The following CDKN2B-AS1 variants were observed in gnomAD, a reference collection of about 807,000 sequenced individuals.
CDKN2B-AS1 encodes the protein CDKN2B antisense RNA 1 (non-protein coding).
At chr9:22,046,480 AGTT>A (rs1414560071) in intron 1 of CDKN2B-AS1, 1 of 152,124 alleles carries the variant, frequency 6.6e-6, no homozygotes, top group Non-Finnish European at 1.5e-5. Flanking sequence ...GTGTATAGAT[AGTT>A]GTTTGAAGAG....
At chr9:22,120,124 A>G (rs1563993591) in intron 4 of CDKN2B-AS1, 1 of 152,256 alleles carries the variant, frequency 6.6e-6, no homozygotes, top group Admixed American at 6.5e-5. Context: ...TGTATACACT[A>G]TAATGATCTA....
rs1822817387 is a variant in CDKN2B-AS1 at position 22,039,486 on chromosome 9, G to C, written n.30-7265G>C. ...CTGTTTACTCTGTGTTTTAACATCT[G>C]TGTGGATAGCATTGTTGTTGTAATA... On this transcript the variant is annotated intron_variant and non_coding_transcript_variant, in intron 1 of 4. Coordinates refer to ENST00000650946, the Ensembl canonical transcript of CDKN2B-AS1. The surrounding 1 kb of genome is among the most constrained non-coding windows in gnomAD (Gnocchi z 4.4). Among the ~76,000 whole-genome samples, 1 of 151,966 alleles carries C rather than the reference G, an allele frequency of 6.6e-6. No individual in the cohort carries two copies. The highest frequency in any genetic ancestry group is 6.6e-5 in the Admixed American group (1 of 15,226).
At chr9:22,045,027 ATAT>A (rs202222310) in intron 1 of CDKN2B-AS1, among the ~76,000 whole-genome samples, 82 of 132,412 alleles carry the variant, frequency 6.2e-4, no homozygotes, top group African/African-American at 2.3e-3. Context: ...TTTTGGAAAA[ATAT>A]TATTTATTTG....
intron 1 of CDKN2B-AS1, among the ~76,000 whole-genome samples, chr9:22,011,387 G>A (rs998430358): frequency 1.3e-5 from 2 of 152,172 alleles, no homozygotes; most frequent in Non-Finnish European, 2.9e-5. Flanking sequence ...TGTACGAAGT[G>A]CTTTACAGCT....
intron 4 of CDKN2B-AS1, among the ~76,000 whole-genome samples, chr9:22,122,120 T>C (rs1826116166): frequency 6.6e-6 from 1 of 151,936 alleles, no homozygotes; most frequent in Non-Finnish European, 1.5e-5. Context: ...TGATACCTCA[T>C]TGCAGCTTCA....
intron 4 of CDKN2B-AS1, among the ~76,000 whole-genome samples, chr9:22,122,868 T>A (rs1157781117): frequency 6.6e-6 from 1 of 152,188 alleles, no homozygotes; most frequent in Non-Finnish European, 1.5e-5. Context: ...AGGATTGCTT[T>A]GGCTGTTTGG....
chr9:22,056,705 T>A (rs1823591698), intron 4 of CDKN2B-AS1, among the ~76,000 whole-genome samples: 1 of 152,142 alleles, frequency 6.6e-6, no homozygotes, highest in Non-Finnish European at 1.5e-5. Context: ...TTTCTTAACC[T>A]CTCTTCTCTT....
chr9:22,120,917 T>G (rs1414797159), intron 4 of CDKN2B-AS1: 3 of 152,090 alleles, frequency 2.0e-5, no homozygotes, highest in Admixed American at 2.0e-4. Flanking sequence ...CATAACAACC[T>G]TATAAGGTGG....
chr9:22,054,861 C>T (rs984939934), intron 3 of CDKN2B-AS1, among the ~76,000 whole-genome samples: 31 of 151,782 alleles, frequency 2.0e-4, no homozygotes, highest in Admixed American at 1.2e-3. Flanking sequence ...AAGCAATTCT[C>T]CTGCCTCTGC....
chr9:22,070,103 T>C (rs1199245849), intron 4 of CDKN2B-AS1, among the ~76,000 whole-genome samples: 1 of 152,196 alleles, frequency 6.6e-6, no homozygotes, highest in Non-Finnish European at 1.5e-5. Flanking sequence ...TCAGCTCAAC[T>C]TTATGAAAAT....
At chr9:22,082,652 A>G (rs1824737856) in intron 4 of CDKN2B-AS1, among the ~76,000 whole-genome samples, 1 of 152,208 alleles carries the variant, frequency 6.6e-6, no homozygotes. Flanking sequence ...TCAGAACTTT[A>G]TTTTTAAGGA....
intron 4 of CDKN2B-AS1, among the ~76,000 whole-genome samples, chr9:22,070,314 C>T (rs551381636): frequency 7.9e-5 from 12 of 152,054 alleles, no homozygotes; most frequent in Non-Finnish European, 1.8e-4. Flanking sequence ...TGTATTTGGT[C>T]CTGGGAAAAC....
chr9:22,029,228 A>G (rs886158789), intron 1 of CDKN2B-AS1, among the ~76,000 whole-genome samples: 2 of 152,196 alleles, frequency 1.3e-5, no homozygotes, highest in African/African-American at 4.8e-5. Flanking sequence ...TAGTCTCAGG[A>G]TATCACTCCG....
At chr9:22,042,459 T>C (rs1474686004) in intron 1 of CDKN2B-AS1, among the ~76,000 whole-genome samples, 1 of 152,084 alleles carries the variant, frequency 6.6e-6, no homozygotes, top group African/African-American at 2.4e-5. Context: ...TAAAAGAGGA[T>C]GGCATAGAAA....
intron 4 of CDKN2B-AS1, among the ~76,000 whole-genome samples, chr9:22,110,298 A>T (rs1264305517): frequency 2.6e-5 from 4 of 152,160 alleles, no homozygotes; most frequent in African/African-American, 9.6e-5. Context: ...AACCAGGTAG[A>T]ATTCTTAGCT....
chr9:22,085,320 C>T (rs961911374), intron 4 of CDKN2B-AS1, among the ~76,000 whole-genome samples: 2 of 152,174 alleles, frequency 1.3e-5, no homozygotes, highest in African/African-American at 4.8e-5. Flanking sequence ...CTTATCCCAA[C>T]CCCACCCTGC....
chr9:22,071,285 CTTTT>C (rs71336509), intron 4 of CDKN2B-AS1, among the ~76,000 whole-genome samples: 788 of 67,260 alleles, frequency 0.012, 3 homozygotes, highest in African/African-American at 0.052. Flanking sequence ...AAATATCTAG[CTTTT>C]TTTTTTTTTT....
At chr9:22,105,156 T>G (rs894821330) in intron 4 of CDKN2B-AS1, among the ~76,000 whole-genome samples, 2 of 152,192 alleles carry the variant, frequency 1.3e-5, no homozygotes, top group Non-Finnish European at 2.9e-5. Flanking sequence ...AATGAGGGTA[T>G]GTGTATACTG....
chr9:22,012,137 C>T (rs1821535212), intron 1 of CDKN2B-AS1: 18 of 1,127,796 alleles, frequency 1.6e-5, no homozygotes, highest in East Asian at 2.4e-5. Context: ...GCGAGGCAGC[C>T]GAGCTGCAGA....
Sources: allele counts gnomAD v4.1 joint callset (sites outside exome capture counted in the v4.1 genomes callset), GRCh38; gene constraint gnomAD v4.1.1; non-coding constraint Gnocchi (gnomAD v3.1); transcripts MANE v1.5; gene names NCBI Gene and HGNC (gene_info 2026-07-23, HGNC 2026-07-21).